The following PRUNE2 variants were observed in gnomAD, a reference collection of about 807,000 sequenced individuals.
The protein encoded by PRUNE2 is protein prune homolog 2.
PRUNE2 carries 164 observed loss-of-function variants against 252.0 expected under a neutral mutation model. That is an observed-to-expected ratio of 0.65 (90% CI 0.57 to 0.74). PRUNE2 has a LOEUF of 0.74. PRUNE2 is among the 30% of genes least tolerant of loss of function. The probability of loss-of-function intolerance (pLI) is 0.00; values close to 1 mark genes in which losing one functional copy is unlikely to be tolerated. For synonymous variants in PRUNE2, 1,292 were observed against 1,350.2 expected (o/e 0.96, Z 0.94); for missense variants, 3,495 against 3,711.0 (o/e 0.94, Z 1.51).
At chr9:76,690,199 T>C (rs1251907235) in intron 9 of PRUNE2, among the ~76,000 whole-genome samples, 1 of 152,212 alleles carries the variant, frequency 6.6e-6, no homozygotes, top group Non-Finnish European at 1.5e-5. Context: ...CCTTCTGCCC[T>C]TTCTCGCCCC....
intron 3 of PRUNE2, among the ~76,000 whole-genome samples, chr9:76,848,219 G>A (rs1008020274): frequency 6.6e-6 from 1 of 152,154 alleles, no homozygotes; most frequent in African/African-American, 2.4e-5. Context: ...AGCTGAGATC[G>A]TGCCACTGCA....
chr9:76,630,719 G>T (rs966102641), intron 15 of PRUNE2, among the ~76,000 whole-genome samples: 2 of 152,116 alleles, frequency 1.3e-5, no homozygotes, highest in Admixed American at 6.5e-5. Context: ...GTAGAGACAG[G>T]GTTTCACTGT....
chr9:76,731,485 C>A (rs2048602848), intron 6 of PRUNE2, among the ~76,000 whole-genome samples: 1 of 151,948 alleles, frequency 6.6e-6, no homozygotes, highest in South Asian at 2.1e-4. Context: ...CTATACCCAG[C>A]TAATTTTGTT....
chr9:76,793,230 C>G (rs1013854190), intron 6 of PRUNE2, among the ~76,000 whole-genome samples: 9 of 152,050 alleles, frequency 5.9e-5, no homozygotes, highest in Admixed American at 2.0e-4. Flanking sequence ...GATATGTATA[C>G]AAAGAGTTAA....
chr9:76,811,341 G>A (rs751051477), intron 6 of PRUNE2, among the ~76,000 whole-genome samples: 6 of 152,286 alleles, frequency 3.9e-5, no homozygotes, highest in South Asian at 2.1e-4. Context: ...AAAAAGCTAC[G>A]TCTTAATTCC....
At chr9:76,793,904 A>T (rs1316910525) in intron 6 of PRUNE2, among the ~76,000 whole-genome samples, 2 of 152,176 alleles carry the variant, frequency 1.3e-5, no homozygotes, top group Non-Finnish European at 2.9e-5. Context: ...ATTTCAGCAA[A>T]TCTGATATTT....
chr9:76,762,153 T>A (rs1255484232), intron 6 of PRUNE2, among the ~76,000 whole-genome samples: 1 of 152,242 alleles, frequency 6.6e-6, no homozygotes, highest in Non-Finnish European at 1.5e-5. Context: ...TTAGCCAGTT[T>A]GGAAGTCACC....
rs559299023 is a variant in PRUNE2, at chr9:76,615,165, A to T, written c.9237-565T>A. The T allele has an allele frequency of 3.0e-6, 3 of 985,472 alleles. No individual in the cohort carries two copies. The African/African-American group carries it at 5.2e-5, about 17-fold the overall frequency. 61.0% of individuals were successfully genotyped at this position (985,472 alleles called of 1,614,324 possible). A position where few individuals can be genotyped will look rare whatever the true frequency, so the allele number is the denominator to read the frequency against. The stretch of plus-strand genomic sequence containing the variant: ...CAGAAGGTCAAATGGGTTCCCAAGT[A>T]TCTGAGGAGTAAGCCTAAAACTCAC... On this transcript the variant is annotated intron_variant, in intron 18 of 18. Coordinates refer to ENST00000376718, the MANE Select transcript of PRUNE2 (RefSeq NM_015225.3).
intron 1 of PRUNE2, among the ~76,000 whole-genome samples, chr9:76,860,969 C>T (rs2060514189): frequency 6.6e-6 from 1 of 152,184 alleles, no homozygotes; most frequent in African/African-American, 2.4e-5. Context: ...AGACCCCAAA[C>T]ACCTGTGGCT....
Position 76,636,343 on chromosome 9 carries a change from A to G in PRUNE2, c.9050+128T>C, listed in dbSNP as rs1327468599. On this transcript the variant is annotated intron_variant, in intron 15 of 18. Transcript: ENST00000376718. ...GATGAATAGTCCAAAGCACCTTTCT[A>G]GGAAAGACAGAGACAAATATATTTC... 4 of 633,926 alleles carry G rather than the reference A, an allele frequency of 6.3e-6. No homozygotes were observed. The African/African-American group carries it at 7.5e-5, about 12-fold the overall frequency. The allele number at this position is 633,926 out of a possible 1,614,324, so 39.3% of individuals were successfully genotyped here. A position where few individuals can be genotyped will look rare whatever the true frequency, so the allele number is the denominator to read the frequency against.
intron 6 of PRUNE2, among the ~76,000 whole-genome samples, chr9:76,762,347 C>T (rs969273906): frequency 3.3e-5 from 5 of 152,264 alleles, no homozygotes; most frequent in African/African-American, 9.6e-5. Context: ...AAGTCATTTC[C>T]GGATAACCTA....
intron 6 of PRUNE2, chr9:76,784,272 C>G (rs565080797): frequency 6.6e-6 from 1 of 152,104 alleles, no homozygotes; most frequent in Non-Finnish European, 1.5e-5. Context: ...TTTATTTGAA[C>G]GGGATTACAG....
chr9:76,649,590 TATAGATAG>T (rs1332414510), intron 11 of PRUNE2, among the ~76,000 whole-genome samples: 1 of 129,372 alleles, frequency 7.7e-6, no homozygotes, highest in South Asian at 2.6e-4. Context: ...TGTCTTAAAG[TATAGATAG>T]ATAGATAGAT....
intron 9 of PRUNE2, among the ~76,000 whole-genome samples, chr9:76,658,165 C>A (rs929273378): frequency 4.6e-5 from 7 of 152,100 alleles, no homozygotes; most frequent in African/African-American, 1.7e-4. Context: ...TCAAGAACAC[C>A]CTGACCAAGA....
At chr9:76,837,961 C>T (rs1032537600) in intron 4 of PRUNE2, among the ~76,000 whole-genome samples, 17 of 151,644 alleles carry the variant, frequency 1.1e-4, no homozygotes, top group South Asian at 2.1e-4. Context: ...TTAGTAGAGA[C>T]GGGGTTTCAC....
At chr9:76,885,994 A>G (rs913432292) in intron 1 of PRUNE2, among the ~76,000 whole-genome samples, 6 of 151,890 alleles carry the variant, frequency 4.0e-5, no homozygotes, top group African/African-American at 1.5e-4. Flanking sequence ...CCTGGCCAAC[A>G]TGGCGAAACC....
intron 1 of PRUNE2, among the ~76,000 whole-genome samples, chr9:76,880,328 G>T (rs959868594): frequency 6.6e-6 from 1 of 152,156 alleles, no homozygotes; most frequent in Non-Finnish European, 1.5e-5. Context: ...CCGCAGGGGG[G>T]TCCCTGGGTA....
At chr9:76,615,300 GC>G (rs1828904633) in intron 18 of PRUNE2, 1 of 908,328 alleles carries the variant, frequency 1.1e-6, no homozygotes, top group Non-Finnish European at 1.3e-6. Context: ...AATTTCAGTT[GC>G]GATAAAAGAG....
Position 76,703,446 on chromosome 9 carries a change from A to C in PRUNE2, c.8167T>G (p.Trp2723Gly), listed in dbSNP as rs772166778. The change falls in exon 9 of 19, where the codon TGG (tryptophan) becomes GGG (glycine). Residue 2723 changes from tryptophan (W) to glycine (G), a missense_variant. Coordinates refer to ENST00000376718, the MANE Select transcript of PRUNE2 (RefSeq NM_015225.3). The part of the protein sequence containing the change: ...TLQAVTHDNE[W>G]EMLSPQPVQK... ...ACAGGCTGTGGTGAAAGCATTTCCC[A>C]TTCATTGTCATGGGTGACAGCCTGC... 2 of 1,613,524 alleles carry C rather than the reference A, an allele frequency of 1.2e-6. No homozygotes were observed. Among genetic ancestry groups the C allele is most frequent in the East Asian group, 4.5e-5 (2 of 44,856 alleles).
Sources: gnomAD v4.1 joint callset for allele counts (sites outside exome capture counted in the v4.1 genomes callset) on GRCh38, gnomAD v4.1.1 for gene constraint, MANE v1.5 for transcripts, NCBI Gene and HGNC (gene_info 2026-07-23, HGNC 2026-07-21) for gene names.